DIAPH1: variants seen among roughly 807,000 people sequenced by gnomAD.
The protein encoded by DIAPH1 is diaphanous related formin 1.
Under a neutral mutation model 140.7 loss-of-function variants are expected in DIAPH1, and 46 were observed. That is an observed-to-expected ratio of 0.33 (90% CI 0.26 to 0.42). The LOEUF (loss-of-function observed/expected upper bound fraction) is 0.42, where lower values mean the gene tolerates loss of function less well. Among genes scored for constraint, DIAPH1 ranks in the 10% least tolerant of loss-of-function variants. The pLI, the probability that DIAPH1 is intolerant of heterozygous loss-of-function variation, is 1.00. For synonymous variants in DIAPH1, 565 were observed against 551.6 expected (o/e 1.02, Z -0.34); for missense variants, 1,310 against 1,558.7 (o/e 0.84, Z 2.69).
intron 1 of DIAPH1, among the ~76,000 whole-genome samples, chr5:141,595,938 C>T (rs1214823781): frequency 6.6e-6 from 1 of 152,194 alleles, no homozygotes; most frequent in African/African-American, 2.4e-5. Context: ...AATCCCGGCA[C>T]TTTGGGAGGC....
At chr5:141,599,891 TTTTG>T (rs945388769) in intron 1 of DIAPH1, among the ~76,000 whole-genome samples, 68 of 152,276 alleles carry the variant, frequency 4.5e-4, no homozygotes, top group Admixed American at 2.3e-3. Context: ...GTCTATGTTT[TTTTG>T]TTTGTTTGTT....
chr5:141,555,369 G>A (rs959411873), intron 18 of DIAPH1, among the ~76,000 whole-genome samples: 2 of 152,116 alleles, frequency 1.3e-5, no homozygotes, highest in Non-Finnish European at 2.9e-5. Context: ...CAACTTTGAC[G>A]GTGGGTTAGG....
At chr5:141,560,873 C>T (rs1404117410) in intron 18 of DIAPH1, 3 of 452,952 alleles carry the variant, frequency 6.6e-6, no homozygotes, top group African/African-American at 6.1e-5. Flanking sequence ...TGGTTTTCGT[C>T]ATACTGCTGT....
At chr5:141,567,683 T>C (rs2099894585) in intron 18 of DIAPH1, among the ~76,000 whole-genome samples, 1 of 152,134 alleles carries the variant, frequency 6.6e-6, no homozygotes, top group East Asian at 1.9e-4. Flanking sequence ...CTAATAAAGA[T>C]GCAACTGGGT....
At chr5:141,529,133 G>A in intron 21 of DIAPH1, 39 bp downstream of exon 21, 1 of 1,584,938 alleles carries the variant, frequency 6.3e-7, no homozygotes, top group Non-Finnish European at 8.7e-7. Context: ...GGGGAATACA[G>A]GAGGTGGAAA....
chr5:141,541,977 A>G (rs968489176), intron 18 of DIAPH1, among the ~76,000 whole-genome samples: 1 of 152,178 alleles, frequency 6.6e-6, no homozygotes, highest in African/African-American at 2.4e-5. Context: ...ATCGATCTAC[A>G]GATTCAACAT....
In DIAPH1 at chr5:141,526,302, A is replaced by C. The variant is rs2099887315; in HGVS notation, c.3433T>G (p.Phe1145Val). 1 of 1,614,056 alleles carries C rather than the reference A, an allele frequency of 6.2e-7. No homozygotes were observed. The highest frequency in any genetic ancestry group is 1.3e-5 in the African/African-American group (1 of 74,910). Residue 1145 changes from phenylalanine (F) to valine (V), a missense_variant, in exon 25 of 28, where the codon TTT becomes GTT. Phe to Val is a conservative substitution (Grantham distance 50). Transcript: ENST00000389054. Reference protein sequence around the residue: ...FMDLHNFRNMFLQAVKENQKR... With the variant: ...FMDLHNFRNMVLQAVKENQKR... ...AGCAAGTATCCCTTGCTCACCAAAAACATATTCCGAAAATTGTGAAGATCC... is the reference window on the plus strand; with the variant it reads ...AGCAAGTATCCCTTGCTCACCAAAACCATATTCCGAAAATTGTGAAGATCC...
At chr5:141,595,292 G>C (rs541346466) in intron 1 of DIAPH1, among the ~76,000 whole-genome samples, 1 of 152,282 alleles carries the variant, frequency 6.6e-6, no homozygotes, top group South Asian at 2.1e-4. Flanking sequence ...AACACTAAGA[G>C]TGAACCCTAA....
intron 27 of DIAPH1, among the ~76,000 whole-genome samples, chr5:141,521,868 A>G (rs1476300355): frequency 2.6e-5 from 4 of 152,176 alleles, no homozygotes; most frequent in Non-Finnish European, 5.9e-5. Flanking sequence ...CACTGCACAA[A>G]AAAAATATTA....
chr5:141,588,862 C>G (rs1318321773), intron 1 of DIAPH1: 1 of 152,412 alleles, frequency 6.6e-6, no homozygotes, highest in African/African-American at 2.4e-5. Context: ...AAACAGAAAA[C>G]AATGCAAATG....
chr5:141,529,760 T>C, intron 19 of DIAPH1, 63 bp from the exon 20 acceptor site: 1 of 1,363,012 alleles, frequency 7.3e-7, no homozygotes, highest in Non-Finnish European at 1.0e-6. Context: ...CAACCCATCC[T>C]GCAAACCTAT....
intron 1 of DIAPH1, among the ~76,000 whole-genome samples, chr5:141,609,641 G>T (rs1358780555): frequency 6.6e-6 from 1 of 152,176 alleles, no homozygotes; most frequent in Admixed American, 6.5e-5. Context: ...AGTTAAGTAT[G>T]CAACAAACAA....
intron 18 of DIAPH1, among the ~76,000 whole-genome samples, chr5:141,551,605 A>T (rs946613038): frequency 6.6e-6 from 1 of 152,208 alleles, no homozygotes; most frequent in Non-Finnish European, 1.5e-5. Context: ...AATGCAGGAA[A>T]TTTTTTGTAC....
intron 1 of DIAPH1, among the ~76,000 whole-genome samples, chr5:141,606,445 A>C (rs2099900975): frequency 6.6e-6 from 1 of 152,122 alleles, no homozygotes; most frequent in Non-Finnish European, 1.5e-5. Flanking sequence ...CCCAGGCTGG[A>C]GTGCAATGGC....
chr5:141,583,702 ATTTTTAT>A, intron 4 of DIAPH1, 87 bp from the exon 5 acceptor site: 1 of 1,556,638 alleles, frequency 6.4e-7, no homozygotes, highest in Admixed American at 1.7e-5. Context: ...TTTATACTTT[ATTTTTAT>A]TTTTTATTTT....
chr5:141,534,033 C>CAAAAAA (rs35815835), intron 19 of DIAPH1, among the ~76,000 whole-genome samples: 2 of 49,982 alleles, frequency 4.0e-5, no homozygotes, highest in African/African-American at 1.7e-4. Context: ...GACTGTGTCT[C>CAAAAAA]AAAAAAAAAA....
chr5:141,553,514 G>A (rs564984434), intron 18 of DIAPH1, among the ~76,000 whole-genome samples: 40 of 151,200 alleles, frequency 2.6e-4, no homozygotes, highest in Non-Finnish European at 4.6e-4. Context: ...GGTGGTGGGC[G>A]CCTATGTAAT....
At chr5:141,611,171 G>C (rs557071475) in intron 1 of DIAPH1, among the ~76,000 whole-genome samples, 1 of 152,262 alleles carries the variant, frequency 6.6e-6, no homozygotes, top group East Asian at 1.9e-4. Flanking sequence ...GCTGAGCCCA[G>C]GAGTTTCAAG....
intron 2 of DIAPH1, among the ~76,000 whole-genome samples, chr5:141,587,973 A>T (rs1233870897): frequency 6.6e-6 from 1 of 152,232 alleles, no homozygotes; most frequent in African/African-American, 2.4e-5. Context: ...TTCAAGTGAT[A>T]TGAGTGGCAT....
Sources: allele counts gnomAD v4.1 joint callset (sites outside exome capture counted in the v4.1 genomes callset), GRCh38; gene constraint gnomAD v4.1.1; transcripts MANE v1.5; gene names NCBI Gene and HGNC (gene_info 2026-07-23, HGNC 2026-07-21).